The following HIP1 variants were observed in gnomAD, a reference collection of about 807,000 sequenced individuals.
HIP1 encodes the protein huntingtin interacting protein 1, also known as huntingtin-interacting protein 1.
HIP1 carries 65 observed loss-of-function variants against 147.6 expected under a neutral mutation model. That is an observed-to-expected ratio of 0.44 (90% CI 0.36 to 0.54). HIP1 has a LOEUF of 0.54. Ranked by LOEUF, HIP1 falls within the 20% of genes least tolerant of loss-of-function variation. The probability of loss-of-function intolerance (pLI) is 0.00; values close to 1 mark genes in which losing one functional copy is unlikely to be tolerated. For missense variants in HIP1, 1,061 were observed against 1,299.6 expected (o/e 0.82, Z 2.82); for synonymous variants, 479 against 504.0 (o/e 0.95, Z 0.67).
intron 2 of HIP1, among the ~76,000 whole-genome samples, chr7:75,594,397 A>G (rs1473982786): frequency 6.6e-6 from 1 of 151,512 alleles, no homozygotes; most frequent in African/African-American, 2.4e-5. Flanking sequence ...AATTCCCCAT[A>G]TATGGGATCC....
At chr7:75,635,804 C>G (rs1452564249) in intron 1 of HIP1, among the ~76,000 whole-genome samples, 1 of 151,780 alleles carries the variant, frequency 6.6e-6, no homozygotes, top group Non-Finnish European at 1.5e-5. Flanking sequence ...GGGTAGATTG[C>G]TTGAGCCCAG....
intron 1 of HIP1, among the ~76,000 whole-genome samples, chr7:75,729,096 A>T (rs1315259202): frequency 6.7e-6 from 1 of 150,356 alleles, no homozygotes; most frequent in African/African-American, 2.4e-5. Context: ...AAAAAAGTGT[A>T]GAGGAAACAG....
At chr7:75,547,161 G>T in intron 24 of HIP1, 129 bp from the exon 25 acceptor site, 1 of 735,168 alleles carries the variant, frequency 1.4e-6, no homozygotes. Flanking sequence ...GGGTGCTGAG[G>T]TTGCTGGAAC....
At position 75,551,806 on chromosome 7, in the gene HIP1, T is replaced by C. The variant is rs117040906; in HGVS notation, c.2295+1647A>G. On this transcript the variant is annotated intron_variant, in intron 22 of 30. Coordinates refer to ENST00000336926, the MANE Select transcript of HIP1 (RefSeq NM_005338.7). ...GCTGGTCTCAAATTCCTGGCCTCAA[T>C]TGATCCACCCACCTTGGCTGGATGT... is the stretch of plus-strand genomic sequence containing the variant. 9.3e-3 allele frequency among the ~76,000 whole-genome samples: 1,411 copies of C among 151,886 alleles called. 14 individuals are homozygous for C. The highest frequency in any genetic ancestry group is 0.013 in the Non-Finnish European group (896 of 67,910).
Position 75,658,148 on chromosome 7 carries a change from C to G in HIP1, c.121-58901G>C, listed in dbSNP as rs185002883. On this transcript the variant is annotated intron_variant, in intron 1 of 30. Coordinates refer to ENST00000336926, the MANE Select transcript of HIP1 (RefSeq NM_005338.7). ...TTGCTCTGTCGCCCAGGCTGGAGTGCAGTGTTGTGATCTCGTCTCACTGCA... is the reference window on the plus strand; with the variant it reads ...TTGCTCTGTCGCCCAGGCTGGAGTGGAGTGTTGTGATCTCGTCTCACTGCA... 3.3e-3 allele frequency among the ~76,000 whole-genome samples: 506 copies of G among 152,274 alleles called. 1 individual carries two copies. Among genetic ancestry groups the G allele is most frequent in the Non-Finnish European group, 5.0e-3 (343 of 68,028 alleles).
chr7:75,636,665 A>G (rs1160713637), intron 1 of HIP1, among the ~76,000 whole-genome samples: 1 of 152,234 alleles, frequency 6.6e-6, no homozygotes, highest in Non-Finnish European at 1.5e-5. Flanking sequence ...AAAGAGCTGC[A>G]GACGATTGTT....
intron 1 of HIP1, among the ~76,000 whole-genome samples, chr7:75,730,433 G>C (rs1024405932): frequency 6.6e-6 from 1 of 150,396 alleles, no homozygotes; most frequent in Admixed American, 6.7e-5. Flanking sequence ...TCTGCCTCCC[G>C]AGTTCAAGTG....
intron 17 of HIP1, among the ~76,000 whole-genome samples, chr7:75,556,403 C>T (rs963364243): frequency 1.3e-5 from 2 of 152,064 alleles, no homozygotes; most frequent in African/African-American, 4.8e-5. Context: ...GAAAGGAGGC[C>T]GGGCATGAAG....
chr7:75,612,489 A>G (rs1278009648), intron 1 of HIP1, among the ~76,000 whole-genome samples: 1 of 151,552 alleles, frequency 6.6e-6, no homozygotes, highest in Admixed American at 6.6e-5. Context: ...AGCCTGGGTG[A>G]CGAGAGAAAC....
In HIP1 at chr7:75,556,570, A is replaced by G. The variant is rs147156070; in HGVS notation, c.1683+140T>C. 432 of 627,530 alleles carry G rather than the reference A, an allele frequency of 6.9e-4. No individual in the cohort carries two copies. In the African/African-American group the frequency reaches 7.1e-3, roughly 10 times the overall value. 38.9% of individuals were successfully genotyped at this position (627,530 alleles called of 1,614,324 possible). ...TGTAGGGGTGTGTGCCTGTAGTCCC[A>G]GTTACTCGGGGGGCTAAGTGGGGAG... On this transcript the variant is annotated intron_variant, in intron 17 of 30. Transcript: ENST00000336926.
At chr7:75,602,492 CTCTTT>C (rs1797036203) in intron 1 of HIP1, among the ~76,000 whole-genome samples, 1 of 123,520 alleles carries the variant, frequency 8.1e-6, no homozygotes, top group Non-Finnish European at 1.6e-5. Flanking sequence ...CTCAGATATG[CTCTTT>C]TTTTTTTTTT....
rs1554500911 is a variant in HIP1, at chr7:75,592,123, A to G, written c.328-11T>C. 6.2e-7 allele frequency: 1 copy of G among 1,611,072 alleles called. No homozygotes were observed. Among genetic ancestry groups the G allele is most frequent in the East Asian group, 2.2e-5 (1 of 44,876 alleles). Reference sequence around the variant, plus strand: ...AGAGTCCTTCAGGACCTGCAGGGGCAAAAGAACAGCCTGTGAGAGAATGGA... The same window carrying G: ...AGAGTCCTTCAGGACCTGCAGGGGCGAAAGAACAGCCTGTGAGAGAATGGA... On this transcript the variant is annotated splice_polypyrimidine_tract_variant and intron_variant, in intron 3 of 30. Transcript: ENST00000336926.
chr7:75,574,700 T>C (rs73139360), intron 7 of HIP1, among the ~76,000 whole-genome samples: 91,820 of 152,014 alleles, frequency 0.6, 30,816 homozygotes, highest in African/African-American at 0.9. Flanking sequence ...GCCTTTGCTC[T>C]TGAGAGTCAG....
In HIP1 at chr7:75,674,501, T is replaced by TTTTTTTTTTG. The variant is rs1554515726; in HGVS notation, c.120+64290_120+64299dup. 9.4e-5 allele frequency among the ~76,000 whole-genome samples: 7 copies of TTTTTTTTTTG among 74,266 alleles called. 1 individual carries two copies. The highest frequency in any genetic ancestry group is 2.3e-4 in the Admixed American group (2 of 8,790). 48.7% of individuals were successfully genotyped at this position (74,266 alleles called of 152,430 possible). On this transcript the variant is annotated intron_variant, in intron 1 of 30. Coordinates refer to ENST00000336926, the MANE Select transcript of HIP1 (RefSeq NM_005338.7). ...GCTTCTAAACTCTGCGGCTTTTTGTTTTTTTTTTTGAGACAGAGTCTCACT... is the reference window on the plus strand; with the variant it reads ...GCTTCTAAACTCTGCGGCTTTTTGTTTTTTTTTTTGTTTTTTTTTGAGACAGAGTCTCACT...
rs1794580662 is a variant in HIP1, at chr7:75,546,797, G to A, written c.2559+142C>T. ...CCTGGAGCTCTGACTTCTCCCCAGG[G>A]CCTCTGCTGATATCTACAGGAGTGG... On this transcript the variant is annotated intron_variant, in intron 25 of 30. Transcript: ENST00000336926. 4 of 617,496 alleles carry A rather than the reference G, an allele frequency of 6.5e-6. No homozygotes were observed. In the African/African-American group the frequency reaches 7.4e-5, roughly 11 times the overall value. 38.3% of individuals were successfully genotyped at this position (617,496 alleles called of 1,614,324 possible).
chr7:75,558,352 G>A, intron 14 of HIP1, 97 bp from the exon 15 acceptor site: 1 of 930,686 alleles, frequency 1.1e-6, no homozygotes, highest in Non-Finnish European at 1.8e-6. Flanking sequence ...TCCTTGTTTT[G>A]TTTTGAGACA....
rs1046164301 is a variant in HIP1, at chr7:75,536,673, G to C, written c.*1499C>G. On this transcript the variant is annotated 3_prime_UTR_variant, in exon 31 of 31. Coordinates refer to ENST00000336926, the MANE Select transcript of HIP1 (RefSeq NM_005338.7). ...CATGTGGCTGAAAGGAGTTGGAGCC[G>C]CTGGCTCTGTCCTTTCTCATTTTCT... is the stretch of plus-strand genomic sequence containing the variant. 2.2e-5 allele frequency: 5 copies of C among 228,396 alleles called. No individual in the cohort carries two copies. The highest frequency in any genetic ancestry group is 4.3e-5 in the Non-Finnish European group (5 of 115,194). The allele number at this position is 228,396 out of a possible 1,614,324, so 14.1% of individuals were successfully genotyped here.
intron 1 of HIP1, among the ~76,000 whole-genome samples, chr7:75,636,219 C>T (rs892399044): frequency 6.6e-6 from 1 of 150,976 alleles, no homozygotes; most frequent in South Asian, 2.1e-4. Context: ...GTGCTGGGGG[C>T]GCGCGCCTGT....
rs112882830 is a variant in HIP1 at position 75,736,849 on chromosome 7, C to CT, written c.120+1951dup. 9.5e-3 allele frequency among the ~76,000 whole-genome samples: 1,381 copies of CT among 145,242 alleles called. 19 individuals carry two copies. The highest frequency in any genetic ancestry group is 0.068 in the East Asian group (340 of 5,008). Reference sequence around the variant, plus strand: ...GGAGGCACTTTCTTTTTTTCTTTTTCTTTTTTTTTTTTGTAGAGACAGGGT... The same window carrying CT: ...GGAGGCACTTTCTTTTTTTCTTTTTCTTTTTTTTTTTTTGTAGAGACAGGGT... On this transcript the variant is annotated intron_variant, in intron 1 of 30. Coordinates refer to ENST00000336926, the MANE Select transcript of HIP1 (RefSeq NM_005338.7).
Sources: gnomAD v4.1 joint callset for allele counts (sites outside exome capture counted in the v4.1 genomes callset) on GRCh38, gnomAD v4.1.1 for gene constraint, MANE v1.5 for transcripts, NCBI Gene and HGNC (gene_info 2026-07-23, HGNC 2026-07-21) for gene names.